MAN2A1: variants seen among roughly 807,000 people sequenced by gnomAD.
MAN2A1 encodes alpha-mannosidase 2.
A neutral mutation model predicts 142.6 loss-of-function variants in MAN2A1; 76 were observed. That is an observed-to-expected ratio of 0.53 (90% confidence interval 0.44 to 0.65). MAN2A1 has a LOEUF of 0.65. Ranked by LOEUF, MAN2A1 falls within the 30% of genes least tolerant of loss-of-function variation. The pLI, the probability that MAN2A1 is intolerant of heterozygous loss-of-function variation, is 0.00. For missense variants in MAN2A1, 1,311 were observed against 1,365.1 expected, an observed-to-expected ratio of 0.96 and a Z score of 0.62; for synonymous variants, 559 against 473.2, an observed-to-expected ratio of 1.18 and a Z score of -2.35.
intron 12 of MAN2A1, 101 bp from the exon 13 acceptor site, chr5:109,817,172 A>ATATGTATATGTATATG (rs1754484174): frequency 2.5e-5 from 26 of 1,029,016 alleles, no homozygotes; most frequent in Admixed American, 8.5e-5. Flanking sequence ...TCTCAAAAAT[A>ATATGTATATGTATATG]TATATGTATA....
In MAN2A1 at chr5:109,766,000, TGA is replaced by T. The variant is rs562416727; in HGVS notation, c.836-1531_836-1530del. Among the ~76,000 whole-genome samples, 37 of 152,238 alleles carry T rather than the reference TGA, an allele frequency of 2.4e-4. No homozygotes were observed. In the South Asian group the frequency reaches 7.7e-3, roughly 32 times the overall value. On this transcript the variant is annotated intron_variant, in intron 5 of 21. Transcript: ENST00000261483. ...TGATTGGTATGTAGAGGCCAAGATG[TGA>T]GAGCTAAGGTGTGGTCATTGGTACT... is the stretch of plus-strand genomic sequence containing the variant.
intron 16 of MAN2A1, among the ~76,000 whole-genome samples, chr5:109,831,949 C>T (rs1455278459): frequency 6.6e-6 from 1 of 151,174 alleles, no homozygotes; most frequent in African/African-American, 2.4e-5. Context: ...AAATATGTTC[C>T]TATTTTAATA....
At chr5:109,864,621 A>G (rs1412529885) in intron 20 of MAN2A1, 2 of 155,396 alleles carry the variant, frequency 1.3e-5, no homozygotes, top group African/African-American at 2.4e-5. Flanking sequence ...GTTAGATGGT[A>G]TGTCATTCAA....
At chr5:109,813,926 C>T (rs1754385900) in intron 12 of MAN2A1, among the ~76,000 whole-genome samples, 1 of 152,182 alleles carries the variant, frequency 6.6e-6, no homozygotes, top group East Asian at 1.9e-4. Context: ...AGTAGATTAT[C>T]TTCTGCCCTC....
chr5:109,847,862 C>T (rs2031628258), intron 19 of MAN2A1, 72 bp downstream of exon 19: 5 of 1,204,478 alleles, frequency 4.2e-6, no homozygotes, highest in South Asian at 5.3e-5. Flanking sequence ...TTATGACTTT[C>T]CACTTTTAAA....
chr5:109,715,649 A>G (rs1368790729), intron 2 of MAN2A1, among the ~76,000 whole-genome samples: 1 of 152,214 alleles, frequency 6.6e-6, no homozygotes, highest in Non-Finnish European at 1.5e-5. Context: ...GAATAGCTAT[A>G]GATAGATATA....
intron 12 of MAN2A1, among the ~76,000 whole-genome samples, chr5:109,796,182 A>G (rs1753855941): frequency 1.3e-5 from 2 of 152,316 alleles, no homozygotes; most frequent in South Asian, 2.1e-4. Context: ...GGAAGAAATC[A>G]TAAAAATATA....
intron 16 of MAN2A1, among the ~76,000 whole-genome samples, chr5:109,838,311 G>A (rs1193277694): frequency 6.6e-6 from 1 of 152,170 alleles, no homozygotes; most frequent in Non-Finnish European, 1.5e-5. Context: ...CCTGGGAATG[G>A]CATCACTCCT....
In MAN2A1 at chr5:109,867,149, T is replaced by C. The variant is rs1755905784; in HGVS notation, c.*151T>C. Reference sequence around the variant, plus strand: ...GGTTTTTTCTTTTTTCTTTTACCAGTACAGTAAGAAAAAAAAAAAAAAAAA... The same window carrying C: ...GGTTTTTTCTTTTTTCTTTTACCAGCACAGTAAGAAAAAAAAAAAAAAAAA... On this transcript the variant is annotated 3_prime_UTR_variant, in exon 22 of 22. Transcript: ENST00000261483. 2 of 194,252 alleles carry C rather than the reference T, an allele frequency of 1.0e-5. No individual in the cohort carries two copies. Among genetic ancestry groups the C allele is most frequent in the Non-Finnish European group, 9.6e-6 (1 of 104,206 alleles). The allele number at this position is 194,252 out of a possible 1,614,324, so 12.0% of individuals were successfully genotyped here.
At chr5:109,723,535 G>A (rs1751662410) in intron 3 of MAN2A1, among the ~76,000 whole-genome samples, 1 of 151,980 alleles carries the variant, frequency 6.6e-6, no homozygotes. Flanking sequence ...ATTTTTTACA[G>A]AATTTTGCAG....
chr5:109,758,846 A>C (rs1752761967), intron 5 of MAN2A1, among the ~76,000 whole-genome samples: 1 of 151,842 alleles, frequency 6.6e-6, no homozygotes, highest in Non-Finnish European at 1.5e-5. Flanking sequence ...CTTATTGGAA[A>C]AGATGATTCT....
intron 15 of MAN2A1, among the ~76,000 whole-genome samples, chr5:109,820,721 G>A (rs1264446216): frequency 1.3e-5 from 2 of 152,140 alleles, no homozygotes; most frequent in Non-Finnish European, 2.9e-5. Flanking sequence ...TGGGAGGATG[G>A]CTTGAGCCCG....
At chr5:109,834,919 C>A (rs190679695) in intron 16 of MAN2A1, among the ~76,000 whole-genome samples, 4 of 151,940 alleles carry the variant, frequency 2.6e-5, no homozygotes, top group Non-Finnish European at 4.4e-5. Context: ...AAAAGATCAT[C>A]CAGTAGTGGG....
chr5:109,807,624 G>A lies in MAN2A1; in HGVS notation c.1944-9649G>A, dbSNP rs528312155. On this transcript the variant is annotated intron_variant, in intron 12 of 21. Transcript: ENST00000261483. The stretch of plus-strand genomic sequence containing the variant: ...ACATAGTCTTCTTCTCTGTTGGATC[G>A]TCCCTCTAATAAGGACCCTTGTAAA... Among the ~76,000 whole-genome samples the A allele has an allele frequency of 5.9e-5, 9 of 152,006 alleles. No homozygotes were observed. The South Asian group carries it at 1.0e-3, about 18-fold the overall frequency.
At chr5:109,716,715 T>A (rs1325012810) in intron 3 of MAN2A1, among the ~76,000 whole-genome samples, 1 of 152,230 alleles carries the variant, frequency 6.6e-6, no homozygotes, top group Non-Finnish European at 1.5e-5. Context: ...TTCAGGCACA[T>A]ACGAATGTGA....
intron 3 of MAN2A1, among the ~76,000 whole-genome samples, chr5:109,725,222 A>G (rs1316970590): frequency 2.0e-5 from 3 of 152,358 alleles, no homozygotes; most frequent in Admixed American, 1.3e-4. Context: ...GAAATAGCTC[A>G]GTGATCTAGA....
At chr5:109,823,345 T>C (rs1013069213) in intron 15 of MAN2A1, among the ~76,000 whole-genome samples, 1 of 152,118 alleles carries the variant, frequency 6.6e-6, no homozygotes, top group South Asian at 2.1e-4. Context: ...CCCTGAACAT[T>C]AGGGGGCTGG....
chr5:109,833,626 T>A (rs1052597126), intron 16 of MAN2A1, among the ~76,000 whole-genome samples: 2 of 143,894 alleles, frequency 1.4e-5, no homozygotes, highest in Non-Finnish European at 1.5e-5. Context: ...AGCACTACAG[T>A]CCGGCCTCTG....
At chr5:109,737,301 A>C (rs963969985) in intron 4 of MAN2A1, among the ~76,000 whole-genome samples, 1 of 152,052 alleles carries the variant, frequency 6.6e-6, no homozygotes, top group Non-Finnish European at 1.5e-5. Context: ...CATGTTGGCC[A>C]GGCTGGTCTT....
Sources: allele counts gnomAD v4.1 joint callset (sites outside exome capture counted in the v4.1 genomes callset), GRCh38; gene constraint gnomAD v4.1.1; transcripts MANE v1.5; gene names NCBI Gene and HGNC (gene_info 2026-07-23, HGNC 2026-07-21).